Variants in ZFAND6 observed in about 807,000 individuals in gnomAD.
ZFAND6 encodes the protein zinc finger AN1-type containing 6.
Under a neutral mutation model 24.5 loss-of-function variants are expected in ZFAND6, and 12 were observed. The ratio of observed to expected loss-of-function variants is 0.49; its 90% CI spans 0.31 to 0.79. The LOEUF (loss-of-function observed/expected upper bound fraction) is 0.79, where lower values mean the gene tolerates loss of function less well. Ranked by LOEUF, ZFAND6 falls within the 30% of genes least tolerant of loss-of-function variation. The pLI is 0.04. For missense variants in ZFAND6, 207 were observed against 245.9 expected (o/e 0.84, Z 1.06); for synonymous variants, 92 against 81.5 (o/e 1.13, Z -0.69).
chr15:80,102,737 A>T (rs925737412), intron 2 of ZFAND6, among the ~76,000 whole-genome samples: 1 of 152,170 alleles, frequency 6.6e-6, no homozygotes, highest in Non-Finnish European at 1.5e-5. Flanking sequence ...TTCAGCACTG[A>T]TAATCACTTT....
At chr15:80,111,411 G>C in intron 2 of ZFAND6, 1 of 420,968 alleles carries the variant, frequency 2.4e-6, no homozygotes, top group Admixed American at 2.7e-5. Context: ...TGAAAAGTCA[G>C]TCTTCCTTAT....
At chr15:80,114,239 GGGAAATTTA>G (rs2039755610) in intron 2 of ZFAND6, among the ~76,000 whole-genome samples, 2 of 152,292 alleles carry the variant, frequency 1.3e-5, no homozygotes, top group Admixed American at 6.5e-5. Flanking sequence ...GTTGAAACCA[GGGAAATTTA>G]GTAACAAGTC....
rs748967904 is a variant in ZFAND6 at position 80,137,730 on chromosome 15, A to G, written c.*102A>G. ...GGGAATGTAGAGCAGTGTATCTTGC[A>G]TGTCATCGGAAGAATAGATTTTTGT... is the stretch of plus-strand genomic sequence containing the variant. On this transcript the variant is annotated 3_prime_UTR_variant, in exon 7 of 7. Coordinates refer to ENST00000261749, the MANE Select transcript of ZFAND6 (RefSeq NM_019006.4). 1.7e-5 allele frequency: 20 copies of G among 1,207,066 alleles called. No homozygotes were observed. The highest frequency in any genetic ancestry group is 2.1e-5 in the Non-Finnish European group (19 of 908,710). The allele number at this position is 1,207,066 out of a possible 1,614,324, so 74.8% of individuals were successfully genotyped here.
intron 1 of ZFAND6, among the ~76,000 whole-genome samples, chr15:80,060,957 C>G (rs966906591): frequency 1.3e-5 from 2 of 152,118 alleles, no homozygotes; most frequent in African/African-American, 4.8e-5. Flanking sequence ...TTTGAAGCTC[C>G]GAGAAACAGG....
intron 2 of ZFAND6, among the ~76,000 whole-genome samples, chr15:80,113,612 A>G (rs2039719442): frequency 6.6e-6 from 1 of 152,174 alleles, no homozygotes; most frequent in African/African-American, 2.4e-5. Flanking sequence ...GCAGTGTGAA[A>G]CATTCTACAT....
At chr15:80,111,592 C>A (rs1435008258) in intron 2 of ZFAND6, 1 of 453,322 alleles carries the variant, frequency 2.2e-6, no homozygotes, top group Admixed American at 2.4e-5. Context: ...AACTATATAG[C>A]AATATAGGAT....
chr15:80,088,105 G>T (rs1228989090), intron 1 of ZFAND6, among the ~76,000 whole-genome samples: 3 of 151,902 alleles, frequency 2.0e-5, no homozygotes, highest in Non-Finnish European at 2.9e-5. Flanking sequence ...ATTTAGTTTT[G>T]TCAGTTGTCT....
intron 1 of ZFAND6, among the ~76,000 whole-genome samples, chr15:80,065,157 G>A (rs1009865122): frequency 3.3e-5 from 5 of 150,876 alleles, no homozygotes; most frequent in African/African-American, 9.7e-5. Flanking sequence ...GTTCTTTTAC[G>A]GTTTCATATT....
chr15:80,061,207 A>G (rs1400423495), intron 1 of ZFAND6, among the ~76,000 whole-genome samples: 1 of 152,194 alleles, frequency 6.6e-6, no homozygotes, highest in African/African-American at 2.4e-5. Context: ...GTTTAAAGGG[A>G]GACATCACAA....
At chr15:80,134,632 G>T (rs2040773547) in intron 6 of ZFAND6, among the ~76,000 whole-genome samples, 1 of 152,214 alleles carries the variant, frequency 6.6e-6, no homozygotes, top group Non-Finnish European at 1.5e-5. Flanking sequence ...TCATGATAGA[G>T]ATTGTGGATA....
chr15:80,086,440 A>G (rs1344933670), intron 1 of ZFAND6, among the ~76,000 whole-genome samples: 1 of 152,224 alleles, frequency 6.6e-6, no homozygotes, highest in Admixed American at 6.5e-5. Flanking sequence ...TGTTGTTACT[A>G]CCACAATCCA....
At chr15:80,093,882 GAAT>G (rs1654276922) in intron 1 of ZFAND6, among the ~76,000 whole-genome samples, 2 of 152,036 alleles carry the variant, frequency 1.3e-5, no homozygotes, top group African/African-American at 4.8e-5. Flanking sequence ...GGGTGCAGTA[GAAT>G]AATAAGATTG....
At chr15:80,072,989 A>T (rs961994448) in intron 1 of ZFAND6, among the ~76,000 whole-genome samples, 6 of 152,030 alleles carry the variant, frequency 3.9e-5, no homozygotes, top group African/African-American at 1.2e-4. Context: ...GGTTCATTTG[A>T]TATGTCATTT....
intron 1 of ZFAND6, among the ~76,000 whole-genome samples, chr15:80,087,543 C>T (rs1221863687): frequency 1.3e-5 from 2 of 152,102 alleles, no homozygotes; most frequent in Non-Finnish European, 2.9e-5. Context: ...GGTCCCAGCA[C>T]CTCTTGTTTC....
chr15:80,070,121 C>T (rs1449108482), intron 1 of ZFAND6, among the ~76,000 whole-genome samples: 1 of 151,996 alleles, frequency 6.6e-6, no homozygotes, highest in Non-Finnish European at 1.5e-5. Flanking sequence ...AAGTGTTTGC[C>T]CTGTTCTGTA....
chr15:80,130,863 T>A (rs2040568315), intron 5 of ZFAND6: 1 of 257,452 alleles, frequency 3.9e-6, no homozygotes, highest in South Asian at 1.4e-4. Flanking sequence ...ATTCAAGTAG[T>A]ATTTGTTTAT....
intron 2 of ZFAND6, among the ~76,000 whole-genome samples, chr15:80,104,719 A>C (rs2039229073): frequency 6.6e-6 from 1 of 152,192 alleles, no homozygotes. Context: ...AAGTAGTCAT[A>C]TTCTTCTTTG....
intron 1 of ZFAND6, among the ~76,000 whole-genome samples, chr15:80,063,298 G>A (rs1336197251): frequency 6.6e-6 from 1 of 152,174 alleles, no homozygotes; most frequent in Non-Finnish European, 1.5e-5. Context: ...ATAAGAAATT[G>A]TTGATGGGAT....
intron 2 of ZFAND6, among the ~76,000 whole-genome samples, chr15:80,109,379 C>G (rs548620843): frequency 6.6e-6 from 1 of 152,036 alleles, no homozygotes; most frequent in Non-Finnish European, 1.5e-5. Flanking sequence ...AAAATAAAAC[C>G]GGAATTGATG....
Sources: gnomAD v4.1 joint callset for allele counts (sites outside exome capture counted in the v4.1 genomes callset) on GRCh38, gnomAD v4.1.1 for gene constraint, MANE v1.5 for transcripts, NCBI Gene and HGNC (gene_info 2026-07-23, HGNC 2026-07-21) for gene names.